ANKRD17: variants seen among roughly 807,000 people sequenced by gnomAD.
ANKRD17 encodes ankyrin repeat domain-containing protein 17.
A neutral mutation model predicts 229.7 loss-of-function variants in ANKRD17; 19 were observed. The observed-to-expected ratio is 0.08, with a 90% confidence interval of 0.06 to 0.12. The LOEUF (loss-of-function observed/expected upper bound fraction) is 0.12, where lower values mean the gene tolerates loss of function less well. ANKRD17 is among the 10% of genes least tolerant of loss of function. The probability of loss-of-function intolerance (pLI) is 1.00; values close to 1 mark genes in which losing one functional copy is unlikely to be tolerated. For missense variants in ANKRD17, 2,176 were observed against 3,176.8 expected (o/e 0.68, Z 7.57); for synonymous variants, 1,112 against 1,146.1 (o/e 0.97, Z 0.60).
chr4:73,235,233 T>C (rs1022899364), intron 1 of ANKRD17, among the ~76,000 whole-genome samples: 7 of 152,188 alleles, frequency 4.6e-5, no homozygotes, highest in Non-Finnish European at 8.8e-5. Context: ...GTGGCCACTA[T>C]ACCTAGGTCT....
At chr4:73,257,559 T>C (rs1032639386) in intron 1 of ANKRD17, among the ~76,000 whole-genome samples, 8 of 152,198 alleles carry the variant, frequency 5.3e-5, no homozygotes, top group Admixed American at 2.6e-4. Flanking sequence ...CGTGTAAGGA[T>C]CAAATATATT....
chr4:73,182,849 AT>A (rs2149025238), intron 1 of ANKRD17, among the ~76,000 whole-genome samples: 1 of 152,334 alleles, frequency 6.6e-6, no homozygotes, highest in South Asian at 2.1e-4. Context: ...GTCTTGTGTA[AT>A]TTAGGATGTT....
rs10577503 is a variant in ANKRD17, at chr4:73,199,221, C to CTGTGTGTGTGTGTGTG, written c.394-21704_394-21689dup. On this transcript the variant is annotated intron_variant, in intron 1 of 33. Coordinates refer to ENST00000358602, the MANE Select transcript of ANKRD17 (RefSeq NM_032217.5). ...CAGGCTGCGAAAACATACAGTTTGGCTGTGTGTGTGTGTGTGTGTGTGTGT... is the reference window on the plus strand; with the variant it reads ...CAGGCTGCGAAAACATACAGTTTGGCTGTGTGTGTGTGTGTGTGTGTGTGTGTGTGTGTGTGTGTGT... Among the ~76,000 whole-genome samples the CTGTGTGTGTGTGTGTG allele has an allele frequency of 3.6e-5, 5 of 140,474 alleles. No homozygotes were observed. The East Asian group carries it at 1.1e-3, about 30-fold the overall frequency. 92.2% of individuals were successfully genotyped at this position (140,474 alleles called of 152,430 possible). A position where few individuals can be genotyped will look rare whatever the true frequency, so the allele number is the denominator to read the frequency against.
In ANKRD17 at chr4:73,190,555, A is replaced by C. The variant is rs1417790047; in HGVS notation, c.394-13022T>G. Among the ~76,000 whole-genome samples, 3 of 151,292 alleles carry C rather than the reference A, an allele frequency of 2.0e-5. No individual in the cohort carries two copies. In the East Asian group the frequency reaches 5.8e-4, roughly 29 times the overall value. On this transcript the variant is annotated intron_variant, in intron 1 of 33. Coordinates refer to ENST00000358602, the MANE Select transcript of ANKRD17 (RefSeq NM_032217.5). Reference sequence around the variant, plus strand: ...ACAAAACAAATGTCCTCCAAAAAAAAAAACAAAACAAAAAAAAAACAAAAA... The same window carrying C: ...ACAAAACAAATGTCCTCCAAAAAAACAAACAAAACAAAAAAAAAACAAAAA...
At chr4:73,201,917 T>C (rs1296312087) in intron 1 of ANKRD17, among the ~76,000 whole-genome samples, 3 of 152,212 alleles carry the variant, frequency 2.0e-5, no homozygotes, top group East Asian at 1.9e-4. Context: ...GGCAGTCATC[T>C]GTGGCAAAAG....
intron 1 of ANKRD17, among the ~76,000 whole-genome samples, chr4:73,210,104 A>C (rs534473339): frequency 1.3e-5 from 2 of 152,286 alleles, no homozygotes; most frequent in South Asian, 4.1e-4. Flanking sequence ...AATAAGGTAG[A>C]ATATTGAAAA....
At chr4:73,199,438 C>T (rs1738361233) in intron 1 of ANKRD17, among the ~76,000 whole-genome samples, 1 of 152,052 alleles carries the variant, frequency 6.6e-6, no homozygotes, top group Non-Finnish European at 1.5e-5. Flanking sequence ...ATAGAGTACC[C>T]CTATTAATTT....
intron 1 of ANKRD17, among the ~76,000 whole-genome samples, chr4:73,252,130 G>T (rs1206632614): frequency 6.6e-6 from 1 of 152,188 alleles, no homozygotes; most frequent in Non-Finnish European, 1.5e-5. Flanking sequence ...ACAGAGATGG[G>T]ACTTCATGAG....
At chr4:73,197,616 A>G (rs1034800348) in intron 1 of ANKRD17, among the ~76,000 whole-genome samples, 3 of 152,148 alleles carry the variant, frequency 2.0e-5, no homozygotes, top group Non-Finnish European at 2.9e-5. Context: ...GATAAACTTG[A>G]GGCCAGAAGT....
intron 11 of ANKRD17, 125 bp downstream of exon 11, chr4:73,144,620 A>C: frequency 2.1e-6 from 1 of 486,900 alleles, no homozygotes; most frequent in Non-Finnish European, 3.5e-6. Context: ...CAATCATTAA[A>C]TGTCAGTAGC....
At chr4:73,141,234 C>A (rs1729565864) in intron 14 of ANKRD17, among the ~76,000 whole-genome samples, 1 of 152,146 alleles carries the variant, frequency 6.6e-6, no homozygotes, top group Admixed American at 6.5e-5. Context: ...GTAACATACA[C>A]AAGTCAAATA....
At chr4:73,148,433 G>A (rs1730571623) in intron 8 of ANKRD17, among the ~76,000 whole-genome samples, 1 of 152,110 alleles carries the variant, frequency 6.6e-6, no homozygotes, top group Non-Finnish European at 1.5e-5. Flanking sequence ...TTCCCATACT[G>A]TTTTTTAAAA....
rs1227469412 is a variant in ANKRD17 at position 73,161,319 on chromosome 4, T to C, written c.577A>G (p.Lys193Glu). The change falls in exon 3 of 34, where the codon AAA becomes GAA. Residue 193 changes from lysine (K) to glutamate (E), a missense_variant. Around this residue, in one of 18 missense-constraint regions of ANKRD17, gnomAD observed 184 missense variants for 357.8 expected, o/e 0.51. Coordinates refer to ENST00000358602, the MANE Select transcript of ANKRD17 (RefSeq NM_032217.5). ...GIGKLSTADGKAFADPEVLRR... is the reference protein window; with the variant it reads ...GIGKLSTADGEAFADPEVLRR... ...AGTACTTCAGGATCTGCAAAGGCTT[T>C]ACCATCAGCCGTGGACAATTTTCCT... 1 of 1,614,228 alleles carries C rather than the reference T, an allele frequency of 6.2e-7. No individual in the cohort carries two copies. Among genetic ancestry groups the C allele is most frequent in the Non-Finnish European group, 8.5e-7 (1 of 1,180,042 alleles).
rs113916774 is a variant in ANKRD17 at position 73,168,696 on chromosome 4, GC to G, written c.548-7349del. ...TGCTCCTGGGAGAAATATAGCGTTA[GC>G]CAGCCCCTGGCCACAGCATTGTCAT... On this transcript the variant is annotated intron_variant, in intron 2 of 33. Coordinates refer to ENST00000358602, the MANE Select transcript of ANKRD17 (RefSeq NM_032217.5). Among the ~76,000 whole-genome samples the G allele has an allele frequency of 1.9e-3, 285 of 152,304 alleles. 1 individual carries two copies. The highest frequency in any genetic ancestry group is 6.6e-3 in the African/African-American group (273 of 41,556).
chr4:73,107,703 T>A (rs560877104), intron 24 of ANKRD17, among the ~76,000 whole-genome samples: 1 of 152,168 alleles, frequency 6.6e-6, no homozygotes, highest in Admixed American at 6.5e-5. Flanking sequence ...CTGGACCCAG[T>A]ATATTCAAGT....
At chr4:73,155,066 A>G (rs1468178916) in intron 5 of ANKRD17, among the ~76,000 whole-genome samples, 1 of 152,050 alleles carries the variant, frequency 6.6e-6, no homozygotes, top group Non-Finnish European at 1.5e-5. Flanking sequence ...AAATTTAATA[A>G]ATTTGAAAAA....
At chr4:73,253,999 T>C (rs916493772) in intron 1 of ANKRD17, among the ~76,000 whole-genome samples, 2 of 152,184 alleles carry the variant, frequency 1.3e-5, no homozygotes, top group Non-Finnish European at 2.9e-5. Flanking sequence ...GAAGACAAGA[T>C]AAATTATAAT....
chr4:73,228,268 C>T (rs1218159644), intron 1 of ANKRD17, among the ~76,000 whole-genome samples: 1 of 152,076 alleles, frequency 6.6e-6, no homozygotes, highest in Non-Finnish European at 1.5e-5. Flanking sequence ...AAAGTCCATA[C>T]ATTATTAAAA....
At chr4:73,240,279 T>G (rs1469234236) in intron 1 of ANKRD17, among the ~76,000 whole-genome samples, 1 of 151,962 alleles carries the variant, frequency 6.6e-6, no homozygotes, top group Non-Finnish European at 1.5e-5. Context: ...AAAAAAAATG[T>G]CAAGCCTGTT....
Sources: gnomAD v4.1 joint callset for allele counts (sites outside exome capture counted in the v4.1 genomes callset) on GRCh38, gnomAD v4.1.1 for gene constraint, gnomAD v4.1.1 regional missense constraint, MANE v1.5 for transcripts, NCBI Gene and HGNC (gene_info 2026-07-23, HGNC 2026-07-21) for gene names.